CARD8: variants seen among roughly 807,000 people sequenced by gnomAD.
CARD8 encodes caspase recruitment domain-containing protein 8.
CARD8 carries 38 observed loss-of-function variants against 53.2 expected under a neutral mutation model. The ratio of observed to expected loss-of-function variants is 0.71; its 90% CI spans 0.55 to 0.94. The LOEUF (loss-of-function observed/expected upper bound fraction) is 0.94, where lower values mean the gene tolerates loss of function less well. Among genes scored for constraint, CARD8 ranks in the 40% least tolerant of loss-of-function variants. The probability of loss-of-function intolerance (pLI) is 0.00; values close to 1 mark genes in which losing one functional copy is unlikely to be tolerated. For missense variants in CARD8, 561 were observed against 655.5 expected, an observed-to-expected ratio of 0.86 and a Z score of 1.57; for synonymous variants, 245 against 244.9, an observed-to-expected ratio of 1.00 and a Z score of 0.00.
In CARD8 at chr19:48,233,048, T is replaced by C. The variant is rs900058422; in HGVS notation, c.351-555A>G. On this transcript the variant is annotated intron_variant, in intron 6 of 13. Transcript: ENST00000651546. Reference sequence around the variant, plus strand: ...AAATGTATGCATTTATATTCCAAGGTAATTCCAAACTTGACCACACCTGGG... The same window carrying C: ...AAATGTATGCATTTATATTCCAAGGCAATTCCAAACTTGACCACACCTGGG... The C allele has an allele frequency of 9.9e-5, 35 of 351,784 alleles. 1 individual carries two copies. The highest frequency in any genetic ancestry group is 4.5e-4 in the African/African-American group (21 of 46,652). 21.8% of individuals were successfully genotyped at this position (351,784 alleles called of 1,614,324 possible).
In CARD8 at chr19:48,221,008, A is replaced by AAGAGAAAAAG. The variant is rs1555806505; in HGVS notation, c.1161+721_1161+722insCTTTTTCTCT. On this transcript the variant is annotated intron_variant, in intron 11 of 13. Coordinates refer to ENST00000651546, the MANE Select transcript of CARD8 (RefSeq NM_001184900.3). ...AAGGAAGGAAGGAAAGAAAGAAAGA[A>AAGAGAAAAAG]AAAGAAAGAAAGAAAGAGAGAAAGA... 3.3e-5 allele frequency among the ~76,000 whole-genome samples: 4 copies of AAGAGAAAAAG among 122,040 alleles called. 1 individual carries two copies. Among genetic ancestry groups the AAGAGAAAAAG allele is most frequent in the Non-Finnish European group, 4.9e-5 (3 of 60,808 alleles). The allele number at this position is 122,040 out of a possible 152,430, so 80.1% of individuals were successfully genotyped here. A position where few individuals can be genotyped will look rare whatever the true frequency, so the allele number is the denominator to read the frequency against.
intron 3 of CARD8, 22 bp from the exon 4 acceptor site, chr19:48,241,085 G>C: frequency 7.8e-7 from 1 of 1,288,342 alleles, no homozygotes; most frequent in Non-Finnish European, 1.1e-6. Context: ...AAAGGAGGTT[G>C]TATTTAGGTA....
Position 48,218,853 on chromosome 19 carries a change from C to G in CARD8, c.1303+18G>C. ...ATGGATCCCTGTCTAAAAATGCCAG[C>G]CTCGCCCACTCACCTACCTGGCTTC... On this transcript the variant is annotated intron_variant, in intron 12 of 13. Coordinates refer to ENST00000651546, the MANE Select transcript of CARD8 (RefSeq NM_001184900.3). 6.2e-7 allele frequency: 1 copy of G among 1,613,336 alleles called. No homozygotes were observed. Among genetic ancestry groups the G allele is most frequent in the Non-Finnish European group, 8.5e-7 (1 of 1,179,436 alleles).
At chr19:48,222,260 A>G (rs1298069401) in intron 10 of CARD8, among the ~76,000 whole-genome samples, 4 of 152,214 alleles carry the variant, frequency 2.6e-5, no homozygotes, top group Non-Finnish European at 5.9e-5. Context: ...GAACACGTCT[A>G]TGATGGACAA....
intron 10 of CARD8, among the ~76,000 whole-genome samples, chr19:48,225,302 C>T (rs2041538962): frequency 6.6e-6 from 1 of 151,568 alleles, no homozygotes; most frequent in African/African-American, 2.4e-5. Flanking sequence ...ACCAGCCTGG[C>T]CAACATGGTG....
intron 3 of CARD8, among the ~76,000 whole-genome samples, 165 bp from the exon 4 acceptor site, chr19:48,241,228 G>A (rs1376638952): frequency 6.6e-6 from 1 of 152,052 alleles, no homozygotes; most frequent in African/African-American, 2.4e-5. Flanking sequence ...GACAGAGGCC[G>A]AAACAGGAGA....
intron 3 of CARD8, among the ~76,000 whole-genome samples, chr19:48,247,725 A>G (rs1333342381): frequency 1.3e-5 from 2 of 149,810 alleles, no homozygotes; most frequent in Non-Finnish European, 3.0e-5. Context: ...TTTTATATAT[A>G]TATACTATAC....
At chr19:48,206,928 A>T (rs2037370097), downstream of CARD8, among the ~76,000 whole-genome samples, 1 of 152,016 alleles carries the variant, frequency 6.6e-6, no homozygotes, top group Non-Finnish European at 1.5e-5. Context: ...CCTGGCTCCT[A>T]AAGTTCGACC....
At chr19:48,207,184 G>GA (rs1441549085), downstream of CARD8, among the ~76,000 whole-genome samples, 22 of 92,054 alleles carry the variant, frequency 2.4e-4, no homozygotes, top group African/African-American at 3.2e-4. Context: ...AAAAAGAAAA[G>GA]AAAAGAAAAA....
intron 12 of CARD8, among the ~76,000 whole-genome samples, 171 bp downstream of exon 12, chr19:48,218,700 G>T (rs1022679997): frequency 6.6e-6 from 1 of 151,938 alleles, no homozygotes; most frequent in African/African-American, 2.4e-5. Context: ...TCACCCAAAA[G>T]GCCCCAGTGT....
At chr19:48,222,667 C>T (rs903115579) in intron 10 of CARD8, among the ~76,000 whole-genome samples, 4 of 149,874 alleles carry the variant, frequency 2.7e-5, no homozygotes, top group Non-Finnish European at 4.4e-5. Flanking sequence ...CCAGCCTGGG[C>T]GACAGAGCGA....
chr19:48,231,733 T>G lies in CARD8; in HGVS notation c.469A>C (p.Lys157Gln). 2 of 1,613,830 alleles carry G rather than the reference T, an allele frequency of 1.2e-6. No homozygotes were observed. Among genetic ancestry groups the G allele is most frequent in the Non-Finnish European group, 1.7e-6 (2 of 1,179,896 alleles). ...TCAGGCCCCAGAAACTGACGATTTT[T>G]ATAATCTTCTTCGATCTCAAAACAG... ...KVCFEIEEDYKNRQFLGPEGN... is the reference protein window; with the variant it reads ...KVCFEIEEDYQNRQFLGPEGN... The change falls in exon 8 of 14, where the codon AAA (lysine) becomes CAA (glutamine). Residue 157 changes from lysine to glutamine, a missense_variant. Coordinates refer to ENST00000651546, the MANE Select transcript of CARD8 (RefSeq NM_001184900.3).
At chr19:48,223,023 G>T (rs961765579) in intron 10 of CARD8, among the ~76,000 whole-genome samples, 1 of 152,076 alleles carries the variant, frequency 6.6e-6, no homozygotes, top group Non-Finnish European at 1.5e-5. Flanking sequence ...AAAAGTAGAG[G>T]CCAGGTGCAG....
downstream of CARD8, among the ~76,000 whole-genome samples, chr19:48,207,873 T>TCC (rs1568596501): frequency 6.6e-6 from 1 of 151,656 alleles, no homozygotes; most frequent in Non-Finnish European, 1.5e-5. Flanking sequence ...GCAGCTGGGA[T>TCC]TACAGACATG....
chr19:48,243,654 T>C (rs1014991311), intron 3 of CARD8, among the ~76,000 whole-genome samples: 4 of 152,168 alleles, frequency 2.6e-5, no homozygotes, highest in African/African-American at 4.8e-5. Flanking sequence ...TTACTTCTTA[T>C]TTAGTATTAT....
chr19:48,255,920 C>T (rs939543541), upstream of CARD8: 2 of 152,150 alleles, frequency 1.3e-5, no homozygotes, highest in Admixed American at 1.3e-4. Context: ...AGGAGGTGGG[C>T]TTTCTGAGAA....
At chr19:48,244,258 A>G (rs1260967088) in intron 3 of CARD8, among the ~76,000 whole-genome samples, 3 of 152,202 alleles carry the variant, frequency 2.0e-5, no homozygotes, top group Non-Finnish European at 4.4e-5. Flanking sequence ...GAGAAATAAC[A>G]GTTTATCTTG....
intron 1 of CARD8, 180 bp downstream of exon 1, chr19:48,255,612 G>A (rs952648794): frequency 1.3e-5 from 2 of 152,112 alleles, no homozygotes; most frequent in Non-Finnish European, 2.9e-5. Flanking sequence ...GCTTCCAGAG[G>A]GTTTTGTTTT....
intron 10 of CARD8, among the ~76,000 whole-genome samples, chr19:48,227,812 A>G (rs1388354183): frequency 2.0e-5 from 3 of 152,052 alleles, no homozygotes; most frequent in Non-Finnish European, 2.9e-5. Context: ...CAAAAAAAAA[A>G]AAAAGGAAAG....
Sources: gnomAD v4.1 joint callset for allele counts (sites outside exome capture counted in the v4.1 genomes callset) on GRCh38, gnomAD v4.1.1 for gene constraint, MANE v1.5 for transcripts, NCBI Gene and HGNC (gene_info 2026-07-23, HGNC 2026-07-21) for gene names.